Variants in C2orf92 observed in about 807,000 individuals in gnomAD.
C2orf92 encodes the protein chromosome 2 open reading frame 92, also known as uncharacterized protein C2orf92.
chr2:97,675,669 G>T, intron 2 of C2orf92, 176 bp from the exon 3 acceptor site: 1 of 395,982 alleles, frequency 2.5e-6, no homozygotes, highest in Non-Finnish European at 4.4e-6. Flanking sequence ...TGTTGTGTTG[G>T]AACTTCAGAT....
chr2:97,664,332 C>G (rs1194387683), exon 1 of C2orf92: 1 of 152,256 alleles, frequency 6.6e-6, no homozygotes, highest in Non-Finnish European at 1.5e-5. Flanking sequence ...AGACGTCTTT[C>G]CCGCGTCCCA....
chr2:97,667,797 C>T (rs1675284516), upstream of C2orf92, among the ~76,000 whole-genome samples: 1 of 152,102 alleles, frequency 6.6e-6, no homozygotes, highest in Non-Finnish European at 1.5e-5. Flanking sequence ...AAATGTCTTC[C>T]TTTACCTCCT....
At chr2:97,694,827 G>A (rs1054069468) in intron 5 of C2orf92, among the ~76,000 whole-genome samples, 3 of 152,078 alleles carry the variant, frequency 2.0e-5, no homozygotes, top group Non-Finnish European at 4.4e-5. Flanking sequence ...CCATCATGGC[G>A]GTACCATTTG....
At chr2:97,670,700 C>A (rs1272379822) in intron 1 of C2orf92, 1 of 151,824 alleles carries the variant, frequency 6.6e-6, no homozygotes, top group African/African-American at 2.4e-5. Flanking sequence ...GTAGCTGGGA[C>A]CACAGGCATG....
At position 97,701,304 on chromosome 2, in the gene C2orf92, C is replaced by T. The variant is rs1409888926; in HGVS notation, c.665C>T (p.Ser222Leu). ...LASYIRKKQP[S>L]SPLANTTYNI... ...TCATACATCAGGAAGAAACAGCCAT[C>T]GTGCGTGGTGCTGGCATAACCTTCC... The change falls in exon 7 of 8, where the codon TCA becomes TTA. Residue 222 changes from serine to leucine, a missense_variant and splice_region_variant. Ser to Leu is a moderately radical substitution (Grantham distance 145, BLOSUM62 -2). Coordinates refer to ENST00000627399, the MANE Select transcript of C2orf92 (RefSeq NM_001351368.2). The T allele has an allele frequency of 1.0e-5, 4 of 398,908 alleles. No individual in the cohort carries two copies. The highest frequency in any genetic ancestry group is 6.2e-4 in the Middle Eastern group (1 of 1,610). 24.7% of individuals were successfully genotyped at this position (398,908 alleles called of 1,614,324 possible). A position where few individuals can be genotyped will look rare whatever the true frequency, so the allele number is the denominator to read the frequency against.
chr2:97,669,152 A>C (rs1675327823), upstream of C2orf92: 1 of 151,344 alleles, frequency 6.6e-6, no homozygotes, highest in South Asian at 2.1e-4. Flanking sequence ...CTTTGAAAAC[A>C]GTTTAATACT....
chr2:97,685,719 A>G (rs2104571713), intron 3 of C2orf92, among the ~76,000 whole-genome samples: 1 of 151,900 alleles, frequency 6.6e-6, no homozygotes, highest in African/African-American at 2.4e-5. Context: ...CCTACCACCA[A>G]ACCTGGCTAA....
chr2:97,684,331 G>A (rs997714417), intron 3 of C2orf92, among the ~76,000 whole-genome samples: 4 of 152,038 alleles, frequency 2.6e-5, no homozygotes, highest in Admixed American at 6.6e-5. Context: ...CACCGTGCCC[G>A]GCCAGTCAAT....
rs558710182 is a variant in C2orf92, at chr2:97,680,979, C to T, written c.232+5051C>T. On this transcript the variant is annotated intron_variant, in intron 3 of 7. Transcript: ENST00000627399. ...AAAATTAGCTGGGCATGGTGGCATG[C>T]GCCTATAGTCCCAGCTACTTGGGAG... Among the ~76,000 whole-genome samples, 81 of 149,670 alleles carry T rather than the reference C, an allele frequency of 5.4e-4. 1 individual carries two copies. In the South Asian group the frequency reaches 0.014, roughly 26 times the overall value.
intron 3 of C2orf92, among the ~76,000 whole-genome samples, chr2:97,686,300 C>A (rs1335380737): frequency 1.3e-5 from 2 of 152,222 alleles, no homozygotes; most frequent in East Asian, 3.8e-4. Context: ...ACCCAAACAC[C>A]TCCATTAGGC....
intron 3 of C2orf92, among the ~76,000 whole-genome samples, chr2:97,678,941 G>T (rs994738418): frequency 4.0e-5 from 6 of 150,990 alleles, no homozygotes; most frequent in African/African-American, 1.5e-4. Flanking sequence ...TTGCCCCACT[G>T]CATTCCAGCC....
At chr2:97,668,439 A>C (rs1389592045), upstream of C2orf92, 1 of 152,178 alleles carries the variant, frequency 6.6e-6, no homozygotes, top group Non-Finnish European at 1.5e-5. Context: ...ATGTGGACTC[A>C]GGTGTGTATG....
intron 1 of C2orf92, chr2:97,670,437 A>G (rs1675377584): frequency 6.6e-6 from 1 of 152,148 alleles, no homozygotes; most frequent in African/African-American, 2.4e-5. Flanking sequence ...GGCTGCAGTA[A>G]GCCGTGATCA....
At chr2:97,689,030 T>C (rs997506082) in intron 4 of C2orf92, 37 bp downstream of exon 4, 7 of 398,434 alleles carry the variant, frequency 1.8e-5, no homozygotes, top group African/African-American at 4.1e-5. Context: ...GTGCACACAT[T>C]TCTATAGGCC....
At chr2:97,675,527 T>C (rs1251560698) in intron 2 of C2orf92, 2 of 257,466 alleles carry the variant, frequency 7.8e-6, no homozygotes, top group African/African-American at 4.4e-5. Context: ...GTACTTGAAA[T>C]CATTTGCCAT....
At chr2:97,680,470 G>A (rs935196727) in intron 3 of C2orf92, among the ~76,000 whole-genome samples, 1 of 152,202 alleles carries the variant, frequency 6.6e-6, no homozygotes. Context: ...ATACAAGGAG[G>A]TTGAAAGTAA....
At chr2:97,685,410 C>T (rs879896091) in intron 3 of C2orf92, among the ~76,000 whole-genome samples, 7 of 148,848 alleles carry the variant, frequency 4.7e-5, no homozygotes, top group South Asian at 2.1e-4. Context: ...GGACTACAGG[C>T]GCCTGCCACC....
intron 5 of C2orf92, chr2:97,694,444 T>C (rs958683549): frequency 2.7e-5 from 4 of 148,250 alleles, no homozygotes; most frequent in Non-Finnish European, 4.5e-5. Flanking sequence ...GTATTTTTAA[T>C]AGAGATGGGG....
intron 3 of C2orf92, 85 bp downstream of exon 3, chr2:97,676,013 C>T: frequency 5.0e-6 from 2 of 398,650 alleles, no homozygotes; most frequent in Non-Finnish European, 8.9e-6. Flanking sequence ...GTAGCCTGTT[C>T]CTGCTGCTTT....
Sources: allele counts gnomAD v4.1 joint callset (sites outside exome capture counted in the v4.1 genomes callset), GRCh38; gene constraint gnomAD v4.1.1; transcripts MANE v1.5; gene names NCBI Gene and HGNC (gene_info 2026-07-23, HGNC 2026-07-21).